Variants in GRM5 observed in about 807,000 individuals in gnomAD.
GRM5 encodes the protein metabotropic glutamate receptor 5.
Under a neutral mutation model 83.1 loss-of-function variants are expected in GRM5, and 19 were observed. That is an observed-to-expected ratio of 0.23 (90% confidence interval 0.16 to 0.34). GRM5 has a LOEUF of 0.34. Ranked by LOEUF, GRM5 falls within the 10% of genes least tolerant of loss-of-function variation. The pLI, the probability that GRM5 is intolerant of heterozygous loss-of-function variation, is 1.00. For synonymous variants in GRM5, 675 were observed against 633.6 expected (o/e 1.07, Z -0.98); for missense variants, 1,160 against 1,588.3 (o/e 0.73, Z 4.58).
intron 3 of GRM5, among the ~76,000 whole-genome samples, chr11:88,773,911 C>T (rs1313609597): frequency 1.3e-5 from 2 of 152,208 alleles, no homozygotes; most frequent in East Asian, 1.9e-4. Flanking sequence ...GTTCTTTTTG[C>T]TTAGTATTAT....
rs1333286949 is a variant in GRM5 at position 88,779,531 on chromosome 11, CAG to C, written c.911+70373_911+70374del. Among the ~76,000 whole-genome samples, 4 of 152,210 alleles carry C rather than the reference CAG, an allele frequency of 2.6e-5. No homozygotes were observed. The South Asian group carries it at 8.3e-4, about 32-fold the overall frequency. On this transcript the variant is annotated intron_variant, in intron 3 of 9. Transcript: ENST00000305447. ...CCCAATTATCTGAAAATTTCAATAA[CAG>C]AATTTTTTTCTGTGCTCTTTCAGAA... is the stretch of plus-strand genomic sequence containing the variant.
Position 88,508,929 on chromosome 11 carries a change from T to C in GRM5, c.3302A>G (p.Lys1101Arg). 6.2e-7 allele frequency: 1 copy of C among 1,600,690 alleles called. No individual in the cohort carries two copies. Among genetic ancestry groups the C allele is most frequent in the South Asian group, 1.1e-5 (1 of 88,298 alleles). The part of the protein sequence containing the change: ...APLCSSYLIP[K>R]EIQLPTTMTT... The stretch of plus-strand genomic sequence containing the variant: ...CATGGTCGTGGGCAACTGGATCTCT[T>C]TGGGGATCAGGTAGGACGAGCAGAG... The change falls in exon 10 of 10, where the codon AAA becomes AGA. Residue 1101 changes from lysine to arginine, a missense_variant. Physicochemically the swap from Lys to Arg is conservative, Grantham distance 26. Coordinates refer to ENST00000305447, the MANE Select transcript of GRM5 (RefSeq NM_001143831.3). This position sits in a 1 kb window ranked among gnomAD's most constrained non-coding sequence, Gnocchi z 4.2.
intron 2 of GRM5, among the ~76,000 whole-genome samples, chr11:88,953,798 C>T (rs192630296): frequency 6.6e-6 from 1 of 152,196 alleles, no homozygotes; most frequent in Admixed American, 6.5e-5. Flanking sequence ...AAGAATCACA[C>T]AATTGAGTGC....
chr11:88,564,462 A>G (rs980391724), intron 8 of GRM5, among the ~76,000 whole-genome samples: 10 of 152,210 alleles, frequency 6.6e-5, no homozygotes, highest in South Asian at 2.1e-4. Context: ...GAGAAACTTT[A>G]TAACTATAGT....
At chr11:88,619,968 T>G (rs1938589483) in intron 4 of GRM5, among the ~76,000 whole-genome samples, 1 of 152,156 alleles carries the variant, frequency 6.6e-6, no homozygotes, top group Non-Finnish European at 1.5e-5. Flanking sequence ...ATTTTGTGAA[T>G]CTACTCATTC....
chr11:88,738,063 AT>A (rs36114416), intron 3 of GRM5, among the ~76,000 whole-genome samples: 77,664 of 151,846 alleles, frequency 0.51, 21,137 homozygotes, highest in African/African-American at 0.7. Context: ...TTCAGAGAGT[AT>A]TTTTTGAAGC....
At chr11:88,683,163 G>T (rs1429354450) in intron 3 of GRM5, among the ~76,000 whole-genome samples, 2 of 152,080 alleles carry the variant, frequency 1.3e-5, no homozygotes, top group Non-Finnish European at 2.9e-5. Flanking sequence ...TAGCTACAAT[G>T]CCACCACAGG....
At chr11:88,590,866 T>G (rs187620148) in intron 6 of GRM5, 139 bp from the exon 7 acceptor site, 4 of 505,918 alleles carry the variant, frequency 7.9e-6, no homozygotes, top group Admixed American at 3.4e-5. Context: ...AGCAGTACAA[T>G]TTTTAATATT....
intron 3 of GRM5, among the ~76,000 whole-genome samples, chr11:88,764,297 A>G (rs915687091): frequency 6.6e-6 from 1 of 151,656 alleles, no homozygotes; most frequent in Non-Finnish European, 1.5e-5. Flanking sequence ...AATGATTACA[A>G]CAACAAGACA....
intron 3 of GRM5, among the ~76,000 whole-genome samples, chr11:88,791,542 T>C (rs3862364): frequency 0.69 from 105,304 of 151,896 alleles, 37,022 homozygotes; most frequent in Non-Finnish European, 0.75. Context: ...ATAATAAGGA[T>C]GCAATAAATG....
chr11:88,713,043 T>C (rs2135386152), intron 3 of GRM5, among the ~76,000 whole-genome samples: 1 of 152,146 alleles, frequency 6.6e-6, no homozygotes, highest in South Asian at 2.1e-4. Flanking sequence ...TTCTATTCCC[T>C]TCTAGATTTG....
intron 7 of GRM5, among the ~76,000 whole-genome samples, chr11:88,588,587 C>T (rs751133758): frequency 5.9e-5 from 9 of 152,138 alleles, no homozygotes; most frequent in Non-Finnish European, 1.2e-4. Context: ...TGCTGTTACC[C>T]CAGACTGAAA....
At chr11:88,861,621 A>G (rs1163809150) in intron 2 of GRM5, among the ~76,000 whole-genome samples, 1 of 151,928 alleles carries the variant, frequency 6.6e-6, no homozygotes, top group Non-Finnish European at 1.5e-5. Context: ...ACACACTACC[A>G]CACCCAGATA....
At chr11:88,539,428 A>T (rs140139437) in intron 8 of GRM5, among the ~76,000 whole-genome samples, 170 of 152,284 alleles carry the variant, frequency 1.1e-3, no homozygotes, top group Admixed American at 1.7e-3. Flanking sequence ...TTCTCCATAT[A>T]TACAATGGAA....
At chr11:89,002,989 T>G (rs970596495) in intron 2 of GRM5, among the ~76,000 whole-genome samples, 3 of 117,658 alleles carry the variant, frequency 2.5e-5, no homozygotes, top group Non-Finnish European at 4.2e-5. Flanking sequence ...TACATTTCCT[T>G]TATAGGATTT....
chr11:88,712,381 G>T (rs115306344), intron 3 of GRM5, among the ~76,000 whole-genome samples: 1 of 151,946 alleles, frequency 6.6e-6, no homozygotes, highest in Non-Finnish European at 1.5e-5. Context: ...GCAGTCTAGG[G>T]TGTTTGTTAT....
At chr11:88,603,778 T>G (rs1938066283) in intron 5 of GRM5, among the ~76,000 whole-genome samples, 1 of 152,184 alleles carries the variant, frequency 6.6e-6, no homozygotes, top group Non-Finnish European at 1.5e-5. Flanking sequence ...AAACCAAGGT[T>G]GCTGACAGAA....
At chr11:88,769,042 A>G (rs186859710) in intron 3 of GRM5, among the ~76,000 whole-genome samples, 1 of 152,222 alleles carries the variant, frequency 6.6e-6, no homozygotes, top group East Asian at 1.9e-4. Flanking sequence ...AGACTAGGCT[A>G]AAGAAACTGC....
intron 2 of GRM5, among the ~76,000 whole-genome samples, chr11:88,902,071 A>G (rs1332221344): frequency 6.6e-6 from 1 of 152,098 alleles, no homozygotes; most frequent in Non-Finnish European, 1.5e-5. Flanking sequence ...GAAGGTCCCA[A>G]AATGCCGTGT....
Sources: gnomAD v4.1 joint callset for allele counts (sites outside exome capture counted in the v4.1 genomes callset) on GRCh38, gnomAD v4.1.1 for gene constraint, Gnocchi (gnomAD v3.1) non-coding constraint, MANE v1.5 for transcripts, NCBI Gene and HGNC (gene_info 2026-07-23, HGNC 2026-07-21) for gene names.